Variants in DEPDC1 observed in about 807,000 individuals in gnomAD.
The protein encoded by DEPDC1 is DEP domain containing 1.
DEPDC1 carries 66 observed loss-of-function variants against 86.8 expected under a neutral mutation model. The ratio of observed to expected loss-of-function variants is 0.76; its 90% CI spans 0.62 to 0.93. The LOEUF is 0.93. Among genes scored for constraint, DEPDC1 ranks in the 40% least tolerant of loss-of-function variants. The pLI, the probability that DEPDC1 is intolerant of heterozygous loss-of-function variation, is 0.00. For synonymous variants in DEPDC1, 255 were observed against 314.9 expected, an observed-to-expected ratio of 0.81 and a Z score of 2.02; for missense variants, 792 against 935.7, an observed-to-expected ratio of 0.85 and a Z score of 2.00.
chr1:68,491,694 C>A (rs1473175836), intron 2 of DEPDC1, among the ~76,000 whole-genome samples: 1 of 152,040 alleles, frequency 6.6e-6, no homozygotes, highest in Non-Finnish European at 1.5e-5. Context: ...CTTTTCCATG[C>A]TTTTATACTT....
chr1:68,494,352 G>T, intron 2 of DEPDC1, 78 bp downstream of exon 2: 1 of 1,291,338 alleles, frequency 7.7e-7, no homozygotes, highest in Non-Finnish European at 1.0e-6. Context: ...AGAAGCTGCT[G>T]TTATAGTAAA....
Position 68,481,104 on chromosome 1 carries a change from C to A in DEPDC1, c.1935+336G>T, listed in dbSNP as rs17130706. Among the ~76,000 whole-genome samples, 1,148 of 152,088 alleles carry A rather than the reference C, an allele frequency of 7.5e-3. 13 individuals carry two copies. Among genetic ancestry groups the A allele is most frequent in the African/African-American group, 0.027 (1,105 of 41,532 alleles). ...AGTTATAGTCTCCTTAGGCTTTCAA[C>A]AGTACCTACATTTCTTCTTCCTTAT... On this transcript the variant is annotated intron_variant, in intron 9 of 11. Coordinates refer to ENST00000456315, the MANE Select transcript of DEPDC1 (RefSeq NM_001114120.3).
chr1:68,477,713 C>A, intron 11 of DEPDC1, 74 bp downstream of exon 11: 1 of 977,816 alleles, frequency 1.0e-6, no homozygotes, highest in Middle Eastern at 2.3e-4. Flanking sequence ...AAAGTAGATT[C>A]TAAATGTTAT....
intron 5 of DEPDC1, among the ~76,000 whole-genome samples, chr1:68,488,068 G>T (rs1328901803): frequency 6.6e-6 from 1 of 151,668 alleles, no homozygotes; most frequent in Non-Finnish European, 1.5e-5. Context: ...ACGTGTTGGA[G>T]GCCCTCAACA....
Position 68,482,834 on chromosome 1 carries a change from G to A in DEPDC1, c.974C>T (p.Pro325Leu). The A allele has an allele frequency of 1.2e-6, 2 of 1,608,944 alleles. No individual in the cohort carries two copies. Among genetic ancestry groups the A allele is most frequent in the Non-Finnish European group, 8.5e-7 (1 of 1,177,980 alleles). ...TAAGTGAAGGAATTTTGAAGACTGT[G>A]GATCATCTTGAATTTTATGTATCCC... is the stretch of plus-strand genomic sequence containing the variant. ...SSGIHKIQDD[P>L]QSSKFLHLNN... Residue 325 changes from proline (P) to leucine (L), a missense_variant, in exon 8 of 12, where the codon CCA becomes CTA. Transcript: ENST00000456315.
intron 9 of DEPDC1, among the ~76,000 whole-genome samples, chr1:68,479,654 C>T (rs777010219): frequency 2.6e-5 from 4 of 151,652 alleles, no homozygotes; most frequent in Non-Finnish European, 5.9e-5. Flanking sequence ...AAATAAAAAA[C>T]TAGCCAGGCA....
At chr1:68,485,763 A>T (rs1368107889) in intron 6 of DEPDC1, among the ~76,000 whole-genome samples, 3 of 152,086 alleles carry the variant, frequency 2.0e-5, no homozygotes, top group Non-Finnish European at 2.9e-5. Context: ...TTAATTTGAT[A>T]AAATGTTTCT....
chr1:68,494,913 C>T (rs374352617), intron 1 of DEPDC1, among the ~76,000 whole-genome samples: 2 of 152,104 alleles, frequency 1.3e-5, no homozygotes, highest in East Asian at 3.9e-4. Context: ...GAGGCCGATG[C>T]GGGTGGATCA....
At chr1:68,491,005 C>T (rs150885943) in intron 2 of DEPDC1, among the ~76,000 whole-genome samples, 1 of 152,122 alleles carries the variant, frequency 6.6e-6, no homozygotes, top group African/African-American at 2.4e-5. Context: ...AAATGGGACA[C>T]CTTCTTACAC....
chr1:68,485,425 ATACTGATTAC>A (rs1646187062), intron 6 of DEPDC1, among the ~76,000 whole-genome samples: 1 of 152,082 alleles, frequency 6.6e-6, no homozygotes, highest in Admixed American at 6.6e-5. Flanking sequence ...TTGGGATGGT[ATACTGATTAC>A]TAATTCCTAC....
intron 10 of DEPDC1, among the ~76,000 whole-genome samples, chr1:68,478,446 A>T (rs1176086584): frequency 6.8e-6 from 1 of 146,270 alleles, no homozygotes; most frequent in Non-Finnish European, 1.5e-5. Flanking sequence ...GTTTTCATGT[A>T]TTTTTTTTTT....
chr1:68,496,830 C>T lies in DEPDC1; in HGVS notation c.48+122G>A, dbSNP rs1369754538. ...CTCCTCGCCAGCCTTTTCACTGAAC[C>T]TAGGGATCCTGGGACTCATCCCTCC... is the stretch of plus-strand genomic sequence containing the variant. On this transcript the variant is annotated intron_variant, in intron 1 of 11. Transcript: ENST00000456315. This position sits in a 1 kb window ranked among gnomAD's most constrained non-coding sequence, Gnocchi z 4.0. 3 of 961,708 alleles carry T rather than the reference C, an allele frequency of 3.1e-6. No individual in the cohort carries two copies. Among genetic ancestry groups the T allele is most frequent in the African/African-American group, 3.3e-5 (2 of 59,860 alleles). The allele number at this position is 961,708 out of a possible 1,614,324, so 59.6% of individuals were successfully genotyped here.
chr1:68,489,749 C>T (rs1000064177), intron 2 of DEPDC1, 141 bp from the exon 3 acceptor site: 3 of 565,810 alleles, frequency 5.3e-6, no homozygotes, highest in Non-Finnish European at 8.7e-6. Context: ...ATAAATTTTC[C>T]CATTAAACCT....
intron 5 of DEPDC1, among the ~76,000 whole-genome samples, chr1:68,487,876 A>C (rs544346633): frequency 6.6e-6 from 1 of 152,000 alleles, no homozygotes; most frequent in African/African-American, 2.4e-5. Flanking sequence ...TAAATATATA[A>C]AACAAAAAAG....
At chr1:68,488,544 A>T (rs1646208655) in intron 4 of DEPDC1, 40 bp from the exon 5 acceptor site, 2 of 1,522,816 alleles carry the variant, frequency 1.3e-6, no homozygotes, top group Non-Finnish European at 9.0e-7. Context: ...TTCTTCATAA[A>T]TAGATTATAC....
chr1:68,488,801 G>T, intron 4 of DEPDC1, 115 bp downstream of exon 4: 1 of 778,640 alleles, frequency 1.3e-6, no homozygotes, highest in Non-Finnish European at 2.2e-6. Flanking sequence ...TATACAGGTT[G>T]CATTCTAAGC....
In DEPDC1 at chr1:68,477,912, T is replaced by C. The variant is rs1378581189; in HGVS notation, c.2173A>G (p.Ile725Val). 1.3e-6 allele frequency: 2 copies of C among 1,593,328 alleles called. No homozygotes were observed. Among genetic ancestry groups the C allele is most frequent in the East Asian group, 2.3e-5 (1 of 44,432 alleles). Residue 725 changes from isoleucine (I) to valine (V), a missense_variant, in exon 11 of 12, where the codon ATT becomes GTT. Physicochemically the swap from Ile to Val is conservative, Grantham distance 29. Transcript: ENST00000456315. ...TGCTCATCAAACTCCTGAGCACTAATCTGCTTACAGTATGAGTAAGTTGGC... is the reference window on the plus strand; with the variant it reads ...TGCTCATCAAACTCCTGAGCACTAACCTGCTTACAGTATGAGTAAGTTGGC... ...PLPTYSYCKQISAQEFDEQKV... is the reference protein window; with the variant it reads ...PLPTYSYCKQVSAQEFDEQKV...
rs915286977 is a variant in DEPDC1, at chr1:68,484,160, A to T, written c.770-70T>A. 6.4e-6 allele frequency: 8 copies of T among 1,241,094 alleles called. No homozygotes were observed. The Admixed American group carries it at 2.5e-4, about 39-fold the overall frequency. The allele number at this position is 1,241,094 out of a possible 1,614,324, so 76.9% of individuals were successfully genotyped here. ...TTAAATACAATTTTTAAACATAAAA[A>T]GTATAAAATCTGTATTTCATGAAGG... On this transcript the variant is annotated intron_variant, in intron 6 of 11. Transcript: ENST00000456315.
At chr1:68,493,214 A>T (rs1646240945) in intron 2 of DEPDC1, among the ~76,000 whole-genome samples, 1 of 152,212 alleles carries the variant, frequency 6.6e-6, no homozygotes, top group African/African-American at 2.4e-5. Flanking sequence ...GATTATTCAT[A>T]TGATTGTTAT....
Sources: allele counts gnomAD v4.1 joint callset (sites outside exome capture counted in the v4.1 genomes callset), GRCh38; gene constraint gnomAD v4.1.1; non-coding constraint Gnocchi (gnomAD v3.1); transcripts MANE v1.5; gene names NCBI Gene and HGNC (gene_info 2026-07-23, HGNC 2026-07-21).